BTNL8: variants seen among roughly 807,000 people sequenced by gnomAD.
The protein encoded by BTNL8 is butyrophilin-like protein 8.
In BTNL8, 22 loss-of-function variants were observed where a neutral mutation model predicts 36.1. The ratio of observed to expected loss-of-function variants is 0.61; its 90% confidence interval spans 0.44 to 0.87. The LOEUF is 0.87. BTNL8 is among the 40% of genes least tolerant of loss of function. The probability of loss-of-function intolerance (pLI) is 0.00; values close to 1 mark genes in which losing one functional copy is unlikely to be tolerated. For synonymous variants in BTNL8, 203 were observed against 235.6 expected, an observed-to-expected ratio of 0.86 and a Z score of 1.27; for missense variants, 526 against 616.9, an observed-to-expected ratio of 0.85 and a Z score of 1.56.
intron 3 of BTNL8, among the ~76,000 whole-genome samples, chr5:180,932,533 T>C (rs1758442617): frequency 6.6e-6 from 1 of 152,076 alleles, no homozygotes; most frequent in African/African-American, 2.4e-5. Context: ...GTATTTTTAG[T>C]AGAGACAGGG....
chr5:180,921,408 C>T (rs945154753), intron 3 of BTNL8, among the ~76,000 whole-genome samples: 4 of 151,792 alleles, frequency 2.6e-5, no homozygotes, highest in African/African-American at 9.7e-5. Flanking sequence ...ATAAGCCAGA[C>T]ATAAAAATGA....
chr5:180,918,048 TAAAC>T (rs1257971486), intron 3 of BTNL8, among the ~76,000 whole-genome samples: 2 of 138,270 alleles, frequency 1.4e-5, no homozygotes, highest in South Asian at 2.2e-4. Context: ...AAAAAAGAAA[TAAAC>T]AAAGAAAGAA....
At position 180,911,375 on chromosome 5, in the gene BTNL8, A is replaced by G. The variant is rs746118211; in HGVS notation, c.434A>G (p.Tyr145Cys). 1.7e-5 allele frequency: 28 copies of G among 1,613,986 alleles called. No individual in the cohort carries two copies. In the East Asian group the frequency reaches 6.2e-4, roughly 36 times the overall value. The change falls in exon 3 of 8, where the codon TAT becomes TGT. Residue 145 changes from tyrosine (Y) to cysteine (C), a missense_variant. This residue lies in a region of BTNL8 where 350 missense variants were observed against 324.6 expected (regional missense o/e 1.08). Coordinates refer to ENST00000340184, the MANE Select transcript of BTNL8 (RefSeq NM_001040462.3). ...GSVPLISITGYVDRDIQLLCQ... is the reference protein window; with the variant it reads ...GSVPLISITGCVDRDIQLLCQ... ...GTTCCTCTCATTTCCATCACGGGAT[A>G]TGTTGATAGAGACATCCAGCTACTC...
At chr5:180,937,128 C>T (rs1199792202) in intron 3 of BTNL8, among the ~76,000 whole-genome samples, 1 of 152,212 alleles carries the variant, frequency 6.6e-6, no homozygotes, top group Non-Finnish European at 1.5e-5. Flanking sequence ...GGCCATATCT[C>T]ATTTACTTGC....
At chr5:180,937,065 G>A (rs935641670) in intron 3 of BTNL8, among the ~76,000 whole-genome samples, 5 of 152,172 alleles carry the variant, frequency 3.3e-5, no homozygotes, top group East Asian at 1.9e-4. Flanking sequence ...CATGCTGCAC[G>A]CAGCCCCCCA....
chr5:180,945,537 G>C (rs1446378370), intron 3 of BTNL8, among the ~76,000 whole-genome samples: 1 of 152,168 alleles, frequency 6.6e-6, no homozygotes, highest in Non-Finnish European at 1.5e-5. Context: ...CACAGAGTGA[G>C]AGAAAATATT....
intron 3 of BTNL8, among the ~76,000 whole-genome samples, chr5:180,924,059 G>C (rs530985035): frequency 6.6e-6 from 1 of 152,294 alleles, no homozygotes; most frequent in African/African-American, 2.4e-5. Flanking sequence ...CTTACTCAGC[G>C]TGGGAGGCAA....
intron 3 of BTNL8, among the ~76,000 whole-genome samples, chr5:180,932,927 G>A (rs1276898627): frequency 1.3e-5 from 2 of 151,572 alleles, no homozygotes; most frequent in Non-Finnish European, 2.9e-5. Flanking sequence ...CTGTCTATAA[G>A]TGACTCACAT....
chr5:180,918,499 G>C (rs553832706), intron 3 of BTNL8, among the ~76,000 whole-genome samples: 222 of 152,196 alleles, frequency 1.5e-3, no homozygotes, highest in African/African-American at 5.0e-3. Context: ...GGTAACAAAA[G>C]AATGTACCTC....
intron 3 of BTNL8, among the ~76,000 whole-genome samples, chr5:180,940,857 G>C (rs1758893877): frequency 6.6e-6 from 1 of 152,126 alleles, no homozygotes; most frequent in African/African-American, 2.4e-5. Flanking sequence ...CTTGAGGTCA[G>C]GAGCTCGAAA....
At chr5:180,902,483 C>A in intron 1 of BTNL8, 1 of 1,370,474 alleles carries the variant, frequency 7.3e-7, no homozygotes, top group Non-Finnish European at 1.0e-6. Context: ...CCAGCCCAGC[C>A]CAATGGAGCC....
chr5:180,949,557 G>A, intron 7 of BTNL8: 2 of 542,930 alleles, frequency 3.7e-6, no homozygotes, highest in South Asian at 4.2e-5. Flanking sequence ...CTGAGCTGAG[G>A]GGAAGGAAGT....
chr5:180,913,845 C>A (rs1033839560), intron 3 of BTNL8, among the ~76,000 whole-genome samples: 7 of 152,184 alleles, frequency 4.6e-5, no homozygotes, highest in Admixed American at 1.3e-4. Flanking sequence ...TTGGGCTAGA[C>A]CTTAGGAAAG....
intron 1 of BTNL8, chr5:180,902,519 T>G (rs919485737): frequency 4.5e-6 from 4 of 883,386 alleles, no homozygotes; most frequent in Non-Finnish European, 6.5e-6. Flanking sequence ...TATAAAGGGT[T>G]TTTTTTTTTG....
At chr5:180,908,530 C>G in intron 1 of BTNL8, 56 bp from the exon 2 acceptor site, 1 of 1,556,578 alleles carries the variant, frequency 6.4e-7, no homozygotes, top group Non-Finnish European at 8.7e-7. Context: ...CATCTTGGCT[C>G]CTCCCCCTCA....
In BTNL8 at chr5:180,950,809, G is replaced by A. The variant is rs1364586506; in HGVS notation, c.*265G>A. On this transcript the variant is annotated 3_prime_UTR_variant, in exon 8 of 8. Transcript: ENST00000340184. ...AGGAATTCCCATCTCACAGGCTGTG[G>A]TGTAGATTAAGTAGACAAGGAATGT... The A allele has an allele frequency of 4.4e-6, 2 of 459,580 alleles. 1 individual carries two copies. Among genetic ancestry groups the A allele is most frequent in the Non-Finnish European group, 8.1e-6 (2 of 246,726 alleles). 28.5% of individuals were successfully genotyped at this position (459,580 alleles called of 1,614,324 possible).
At chr5:180,902,413 A>T (rs1756860752) in intron 1 of BTNL8, 9 of 1,549,012 alleles carry the variant, frequency 5.8e-6, no homozygotes, top group Non-Finnish European at 7.9e-6. Flanking sequence ...AGATACACAA[A>T]TGCAAGTCAC....
intron 1 of BTNL8, among the ~76,000 whole-genome samples, chr5:180,903,838 T>C (rs1756948750): frequency 6.9e-6 from 1 of 145,088 alleles, no homozygotes; most frequent in Non-Finnish European, 1.5e-5. Context: ...TAGTTGTAGA[T>C]ATGCAGCGTT....
At chr5:180,948,753 G>T in intron 5 of BTNL8, 167 bp from the exon 6 acceptor site, 2 of 487,946 alleles carry the variant, frequency 4.1e-6, no homozygotes, top group Non-Finnish European at 7.3e-6. Flanking sequence ...ACTTTATCCA[G>T]TTCTGTATCA....
Sources: allele counts gnomAD v4.1 joint callset (sites outside exome capture counted in the v4.1 genomes callset), GRCh38; gene constraint gnomAD v4.1.1; regional missense constraint gnomAD v4.1.1; transcripts MANE v1.5; gene names NCBI Gene and HGNC (gene_info 2026-07-23, HGNC 2026-07-21).